TET3: variants seen among roughly 807,000 people sequenced by gnomAD.
TET3 encodes methylcytosine dioxygenase TET3.
In TET3, 19 loss-of-function variants were observed where a neutral mutation model predicts 141.4. The observed-to-expected ratio is 0.13, with a 90% CI of 0.09 to 0.20. The LOEUF (loss-of-function observed/expected upper bound fraction) is 0.20. Ranked by LOEUF, TET3 falls within the 10% of genes least tolerant of loss-of-function variation. The pLI is 1.00. For missense variants in TET3, 1,874 were observed against 2,356.9 expected (o/e 0.80, Z 4.24); for synonymous variants, 1,043 against 980.9 (o/e 1.06, Z -1.18).
chr2:73,986,165 C>G lies in TET3; in HGVS notation c.-239C>G, dbSNP rs928840807. The G allele has an allele frequency of 2.7e-6, 1 of 367,050 alleles. No individual in the cohort carries two copies. Among genetic ancestry groups the G allele is most frequent in the African/African-American group, 2.1e-5 (1 of 48,060 alleles). The allele number at this position is 367,050 out of a possible 1,614,324, so 22.7% of individuals were successfully genotyped here. A position where few individuals can be genotyped will look rare whatever the true frequency, so the allele number is the denominator to read the frequency against. On this transcript the variant is annotated 5_prime_UTR_variant, in exon 2 of 12. Coordinates refer to ENST00000409262, the MANE Select transcript of TET3 (RefSeq NM_001287491.2). ...GAGGGCTGCTGCTGGTGTCCTCCCC[C>G]AGATCCTGGGCCCCAGCAGGTGGGA...
At chr2:74,071,412 C>T (rs1689195893) in intron 4 of TET3, among the ~76,000 whole-genome samples, 1 of 152,152 alleles carries the variant, frequency 6.6e-6, no homozygotes, top group Non-Finnish European at 1.5e-5. Flanking sequence ...TAAGATTTCG[C>T]CTAAGGATCA....
chr2:74,025,716 C>T (rs923085735), intron 3 of TET3, among the ~76,000 whole-genome samples: 1 of 152,162 alleles, frequency 6.6e-6, no homozygotes, highest in Non-Finnish European at 1.5e-5. Flanking sequence ...AGAGAAACCC[C>T]CCAGATCACA....
At position 74,100,490 on chromosome 2, in the gene TET3, C is replaced by A. The variant is rs374314745; in HGVS notation, c.3702C>A (p.Asn1234Lys). ...NHFSSFKYSG[N>K]AVVESYSVLG... ...TCAGCTCCTTCAAGTACAGCGGCAA[C>A]GCGGTGGTGGAGAGCTACTCGGTGC... The change falls in exon 12 of 12, where the codon AAC (asparagine) becomes AAA (lysine). Residue 1234 changes from asparagine to lysine, a missense_variant. Asn to Lys is a moderately conservative substitution (Grantham distance 94). Transcript: ENST00000409262. The A allele has an allele frequency of 1.9e-6, 3 of 1,600,542 alleles. No individual in the cohort carries two copies. The highest frequency in any genetic ancestry group is 2.6e-6 in the Non-Finnish European group (3 of 1,173,792).
At chr2:74,020,581 C>T (rs1428983935) in intron 3 of TET3, among the ~76,000 whole-genome samples, 1 of 152,224 alleles carries the variant, frequency 6.6e-6, no homozygotes, top group Non-Finnish European at 1.5e-5. Context: ...GTACCCTTGG[C>T]AGTGGTTCCA....
In TET3 at chr2:74,061,644, G is replaced by A. The variant is rs527905592; in HGVS notation, c.2495-11905G>A. Among the ~76,000 whole-genome samples the A allele has an allele frequency of 5.6e-3, 819 of 147,474 alleles. 5 individuals carry two copies. The highest frequency in any genetic ancestry group is 6.2e-3 in the Non-Finnish European group (414 of 66,500). On this transcript the variant is annotated intron_variant, in intron 4 of 11. Coordinates refer to ENST00000409262, the MANE Select transcript of TET3 (RefSeq NM_001287491.2). The stretch of plus-strand genomic sequence containing the variant: ...GACGGGGTGGCTGTCAGGCAGAGAC[G>A]CTCCTCACTTCCCAGACGGGGTGGC...
At chr2:74,091,431 C>A (rs1004094657) in intron 8 of TET3, among the ~76,000 whole-genome samples, 1 of 152,230 alleles carries the variant, frequency 6.6e-6, no homozygotes, top group African/African-American at 2.4e-5. Flanking sequence ...GGCACTGTTA[C>A]CCCTCACTTT....
downstream of TET3, among the ~76,000 whole-genome samples, chr2:74,111,834 C>T (rs748143456): frequency 6.6e-6 from 1 of 152,114 alleles, no homozygotes; most frequent in Non-Finnish European, 1.5e-5. Context: ...TTCTTCTGTA[C>T]CTTAAGACCC....
intron 3 of TET3, among the ~76,000 whole-genome samples, chr2:74,010,517 C>T (rs921418717): frequency 6.6e-6 from 1 of 152,212 alleles, no homozygotes; most frequent in Non-Finnish European, 1.5e-5. Flanking sequence ...TGGTGGTTCT[C>T]AGCACCAACT....
At chr2:74,073,711 A>C in intron 5 of TET3, 72 bp downstream of exon 5, 6 of 1,304,068 alleles carry the variant, frequency 4.6e-6, no homozygotes, top group South Asian at 1.4e-5. Flanking sequence ...AGCGCCTCTC[A>C]TTTTTCTTTG....
the TET3 span, among the ~76,000 whole-genome samples, chr2:74,131,762 T>C: frequency 6.6e-6 from 1 of 152,132 alleles, no homozygotes. Flanking sequence ...CAAGCAACAC[T>C]TAATCAAAAA....
chr2:74,098,515 T>C (rs1279742553), intron 10 of TET3, among the ~76,000 whole-genome samples: 1 of 152,058 alleles, frequency 6.6e-6, no homozygotes, highest in African/African-American at 2.4e-5. Context: ...TTCTGGGTGG[T>C]GGGATGGGAG....
upstream of TET3, among the ~76,000 whole-genome samples, chr2:73,984,072 C>G (rs1318890316): frequency 1.3e-5 from 2 of 152,274 alleles, no homozygotes. This position sits in a 1 kb window ranked among gnomAD's most constrained non-coding sequence, Gnocchi z 5.6. Context: ...CCCAGGGTGA[C>G]TCTTCAAAGT....
chr2:74,110,029 A>T (rs1691665782), downstream of TET3, among the ~76,000 whole-genome samples: 1 of 152,148 alleles, frequency 6.6e-6, no homozygotes, highest in Admixed American at 6.5e-5. Flanking sequence ...AAGGATAAAA[A>T]AATTGCTACA....
chr2:74,053,445 G>C (rs1352254062), intron 4 of TET3, among the ~76,000 whole-genome samples: 2 of 152,226 alleles, frequency 1.3e-5, no homozygotes, highest in Non-Finnish European at 2.9e-5. Flanking sequence ...CACCATCTTA[G>C]AGATGAGGAA....
rs1241447156 is a variant in TET3, at chr2:74,046,724, A to G, written c.807A>G (p.Pro269=). 1.2e-6 allele frequency: 2 copies of G among 1,613,716 alleles called. No individual in the cohort carries two copies. The highest frequency in any genetic ancestry group is 1.7e-6 in the Non-Finnish European group (2 of 1,179,854). The change falls in exon 4 of 12, where the codon CCA becomes CCG. Residue 269 remains proline, a synonymous_variant. Coordinates refer to ENST00000409262, the MANE Select transcript of TET3 (RefSeq NM_001287491.2). The surrounding 1 kb of genome is among the most constrained non-coding windows in gnomAD (Gnocchi z 4.3). Reference sequence around the variant, plus strand: ...CCCTCGCGCGGCATGGTATGAAACCACCCAACTGCAACTGCGATGGCCCAG... The same window carrying G: ...CCCTCGCGCGGCATGGTATGAAACCGCCCAACTGCAACTGCGATGGCCCAG... ...ALALARHGMK[P]PNCNCDGPEC...
chr2:74,117,109 T>C, the TET3 span, among the ~76,000 whole-genome samples: 3 of 152,118 alleles, frequency 2.0e-5, no homozygotes, highest in African/African-American at 7.2e-5. Flanking sequence ...AGATTGTGCT[T>C]GTGTTTTGAA....
rs1437398059 is a variant in TET3, at chr2:73,988,990, G to GT, written c.303+2292dup. 2.8e-3 allele frequency among the ~76,000 whole-genome samples: 291 copies of GT among 105,704 alleles called. 3 individuals are homozygous for GT. Among genetic ancestry groups the GT allele is most frequent in the Non-Finnish European group, 3.5e-3 (176 of 50,644 alleles). The allele number at this position is 105,704 out of a possible 152,430, so 69.3% of individuals were successfully genotyped here. On this transcript the variant is annotated intron_variant, in intron 2 of 11. Transcript: ENST00000409262. ...GTGCCTCTCTCTGAAAAAAAAAAAAGTTTTTTTTGTTTTTTTTTTTTTTTG... is the reference window on the plus strand; with the variant it reads ...GTGCCTCTCTCTGAAAAAAAAAAAAGTTTTTTTTTGTTTTTTTTTTTTTTTG...
intron 3 of TET3, among the ~76,000 whole-genome samples, chr2:74,008,099 T>C (rs997587998): frequency 6.6e-6 from 1 of 152,206 alleles, no homozygotes; most frequent in African/African-American, 2.4e-5. Context: ...GCTTTTGAAC[T>C]TTTATCTGGG....
chr2:74,076,692 G>T lies in TET3; in HGVS notation c.2585+3053G>T, dbSNP rs541767811. Among the ~76,000 whole-genome samples the T allele has an allele frequency of 9.2e-5, 14 of 151,354 alleles. No homozygotes were observed. In the East Asian group the frequency reaches 2.1e-3, roughly 23 times the overall value. ...ATCTTCATAAGATCCTTTCTGGAACGAGGGGAGTAATGAGTGATTGATGCA... is the reference window on the plus strand; with the variant it reads ...ATCTTCATAAGATCCTTTCTGGAACTAGGGGAGTAATGAGTGATTGATGCA... On this transcript the variant is annotated intron_variant, in intron 5 of 11. Coordinates refer to ENST00000409262, the MANE Select transcript of TET3 (RefSeq NM_001287491.2).
Sources: gnomAD v4.1 joint callset for allele counts (sites outside exome capture counted in the v4.1 genomes callset) on GRCh38, gnomAD v4.1.1 for gene constraint, Gnocchi (gnomAD v3.1) non-coding constraint, MANE v1.5 for transcripts, NCBI Gene and HGNC (gene_info 2026-07-23, HGNC 2026-07-21) for gene names.